Variants in TBL3 observed in about 807,000 individuals in gnomAD.
TBL3 encodes the protein transducin beta like 3, also known as transducin beta-like protein 3.
TBL3 carries 71 observed loss-of-function variants against 102.7 expected under a neutral mutation model. The observed-to-expected ratio is 0.69, with a 90% confidence interval of 0.57 to 0.84. The LOEUF (loss-of-function observed/expected upper bound fraction) is 0.84. TBL3 is among the 40% of genes least tolerant of loss of function. TBL3 has a pLI of 0.00. For synonymous variants in TBL3, 578 were observed against 477.7 expected (o/e 1.21, Z -2.74); for missense variants, 1,188 against 1,098.5 (o/e 1.08, Z -1.15).
At chr16:1,972,267 G>C (rs1443807670) in intron 1 of TBL3, 62 bp downstream of exon 1, 1 of 1,295,822 alleles carries the variant, frequency 7.7e-7, no homozygotes, top group African/African-American at 1.5e-5. Context: ...GCATAGCGGA[G>C]GCGCGCGTGG....
chr16:1,978,981 G>A lies in TBL3; in HGVS notation c.*296G>A, dbSNP rs1259026758. On this transcript the variant is annotated 3_prime_UTR_variant, in exon 22 of 22. Coordinates refer to ENST00000568546, the MANE Select transcript of TBL3 (RefSeq NM_006453.3). ...CCCCCTCCCATCCCTGCTGGCCAGG[G>A]AGATCCGCCCTCCCCGCTCCTCCCC... 2.1e-6 allele frequency: 3 copies of A among 1,413,256 alleles called. No individual in the cohort carries two copies. The highest frequency in any genetic ancestry group is 2.8e-6 in the Non-Finnish European group (3 of 1,059,484). The allele number at this position is 1,413,256 out of a possible 1,614,324, so 87.5% of individuals were successfully genotyped here. A position where few individuals can be genotyped will look rare whatever the true frequency, so the allele number is the denominator to read the frequency against.
intron 13 of TBL3, 66 bp downstream of exon 13, chr16:1,976,380 GCCGCTCA>G: frequency 2.9e-6 from 4 of 1,402,664 alleles, no homozygotes; most frequent in South Asian, 1.2e-5. Flanking sequence ...CAGCAGGGCT[GCCGCTCA>G]GGGAGCTGGG....
chr16:1,980,532 A>C lies in TBL3; in HGVS notation c.*1847A>C, dbSNP rs554813672. ...GCGGCTCGTGCGCCCCACGCGTCCC[A>C]ACAGTGGTGCATCTTAAGGCACCAC... On this transcript the variant is annotated 3_prime_UTR_variant, in exon 22 of 22. Transcript: ENST00000568546. The C allele has an allele frequency of 1.9e-6, 3 of 1,604,048 alleles. No individual in the cohort carries two copies. Among genetic ancestry groups the C allele is most frequent in the East Asian group, 4.5e-5 (2 of 44,804 alleles).
At position 1,979,063 on chromosome 16, in the gene TBL3, T is replaced by G; in HGVS notation, c.*378T>G. 1 of 1,545,010 alleles carries G rather than the reference T, an allele frequency of 6.5e-7. No individual in the cohort carries two copies. Among genetic ancestry groups the G allele is most frequent in the Non-Finnish European group, 8.6e-7 (1 of 1,156,284 alleles). ...CGGGATCCTCGCGCTCACTGCTCCG[T>G]CGTGGGGTGCGGCACAGAGTCCACG... On this transcript the variant is annotated 3_prime_UTR_variant, in exon 22 of 22. Transcript: ENST00000568546.
Position 1,977,156 on chromosome 16 carries a change from G to C in TBL3, c.1543G>C (p.Gly515Arg). 6.2e-7 allele frequency: 1 copy of C among 1,613,060 alleles called. No individual in the cohort carries two copies. Among genetic ancestry groups the C allele is most frequent in the Non-Finnish European group, 8.5e-7 (1 of 1,180,000 alleles). The change falls in exon 15 of 22, where the codon GGT becomes CGT. Residue 515 changes from glycine to arginine, a missense_variant. Transcript: ENST00000568546. ...LWALPQCQLLGVFSGHRRGLW... is the reference protein window; with the variant it reads ...LWALPQCQLLRVFSGHRRGLW... ...GGCCCTGCCACAGTGCCAGCTGCTG[G>C]GTGTCTTCTCAGGCCACCGGCGTGG...
At position 1,978,793 on chromosome 16, in the gene TBL3, C is replaced by A; in HGVS notation, c.*108C>A. The A allele has an allele frequency of 7.1e-7, 1 of 1,414,628 alleles. No homozygotes were observed. Among genetic ancestry groups the A allele is most frequent in the Non-Finnish European group, 9.6e-7 (1 of 1,042,726 alleles). 87.6% of individuals were successfully genotyped at this position (1,414,628 alleles called of 1,614,324 possible). On this transcript the variant is annotated 3_prime_UTR_variant, in exon 22 of 22. Coordinates refer to ENST00000568546, the MANE Select transcript of TBL3 (RefSeq NM_006453.3). ...ACTGCAGTCCAGCCCCCCACCCTGGCCAACACCCTACCTAGCCAGCCAGAA... is the reference window on the plus strand; with the variant it reads ...ACTGCAGTCCAGCCCCCCACCCTGGACAACACCCTACCTAGCCAGCCAGAA...
In TBL3 at chr16:1,972,079, G is replaced by T; in HGVS notation, c.-86G>T. On this transcript the variant is annotated 5_prime_UTR_variant, in exon 1 of 22. Transcript: ENST00000568546. ...CAGCGCGCCGGGAGTGTGGCGTTCT[G>T]TGAAGAGTTCGGTGCTAACCTCCCT... 1 of 1,376,158 alleles carries T rather than the reference G, an allele frequency of 7.3e-7. No individual in the cohort carries two copies. 85.2% of individuals were successfully genotyped at this position (1,376,158 alleles called of 1,614,324 possible). A position where few individuals can be genotyped will look rare whatever the true frequency, so the allele number is the denominator to read the frequency against.
chr16:1,976,767 G>T (rs749106472), intron 13 of TBL3, 47 bp from the exon 14 acceptor site: 2 of 1,605,170 alleles, frequency 1.2e-6, no homozygotes, highest in Non-Finnish European at 1.7e-6. Context: ...GGCCATCAGG[G>T]CTGGCTGGGG....
intron 20 of TBL3, 21 bp from the exon 21 acceptor site, chr16:1,978,292 T>A: frequency 6.2e-7 from 1 of 1,610,580 alleles, no homozygotes; most frequent in Non-Finnish European, 8.5e-7. Context: ...GGCAAGACGA[T>A]GAGGGTCCTG....
chr16:1,981,150 C>T lies in TBL3; in HGVS notation c.*2465C>T. On this transcript the variant is annotated 3_prime_UTR_variant, in exon 22 of 22. Coordinates refer to ENST00000568546, the MANE Select transcript of TBL3 (RefSeq NM_006453.3). ...TGATCTGCACCAGGGCTGCCCCTTG[C>T]ACTGAAACTGGGTATCGGGGGCCTG... 6.2e-7 allele frequency: 1 copy of T among 1,613,618 alleles called. No individual in the cohort carries two copies. Among genetic ancestry groups the T allele is most frequent in the Non-Finnish European group, 8.5e-7 (1 of 1,180,022 alleles).
At position 1,981,171 on chromosome 16, in the gene TBL3, G is replaced by A. The variant is rs763186024; in HGVS notation, c.*2486G>A. On this transcript the variant is annotated 3_prime_UTR_variant, in exon 22 of 22. Coordinates refer to ENST00000568546, the MANE Select transcript of TBL3 (RefSeq NM_006453.3). The stretch of plus-strand genomic sequence containing the variant: ...CTTGCACTGAAACTGGGTATCGGGG[G>A]CCTGCCATGGCTGTGGCTTCCAGGC... The A allele has an allele frequency of 1.4e-5, 22 of 1,612,984 alleles. No individual in the cohort carries two copies. The highest frequency in any genetic ancestry group is 3.3e-4 in the Middle Eastern group (2 of 6,062).
Position 1,975,013 on chromosome 16 carries a change from G to T in TBL3, c.550G>T (p.Asp184Tyr). 6.2e-7 allele frequency: 1 copy of T among 1,607,162 alleles called. No homozygotes were observed. Among genetic ancestry groups the T allele is most frequent in the Non-Finnish European group, 8.5e-7 (1 of 1,179,990 alleles). The part of the protein sequence containing the change: ...DAAIRVWSLQ[D>Y]RSCLAVLTAH... ...CGCCATCCGCGTGTGGTCACTGCAG[G>T]ACCGGTCATGCCTGGCTGTGCTGAC... Residue 184 changes from aspartate to tyrosine, a missense_variant, in exon 7 of 22, where the codon GAC becomes TAC. Asp to Tyr is a radical substitution (Grantham distance 160). Coordinates refer to ENST00000568546, the MANE Select transcript of TBL3 (RefSeq NM_006453.3).
At chr16:1,977,005 C>T in intron 14 of TBL3, 44 bp downstream of exon 14, 1 of 1,612,504 alleles carries the variant, frequency 6.2e-7, no homozygotes, top group South Asian at 1.1e-5. Flanking sequence ...CAAGCCCTTG[C>T]TGGGGGAAGA....
chr16:1,972,476 G>T (rs547361190), intron 1 of TBL3, among the ~76,000 whole-genome samples: 1 of 152,352 alleles, frequency 6.6e-6, no homozygotes, highest in African/African-American at 2.4e-5. Context: ...GGGACCAGAA[G>T]TCCCGATGAG....
In TBL3 at chr16:1,978,521, A is replaced by AC. The variant is rs776033245; in HGVS notation, c.2294-25dup. On this transcript the variant is annotated intron_variant, in intron 21 of 21. Transcript: ENST00000568546. ...GGGGATCCTGGTGGGCGTGTGGACC[A>AC]CCCCCCTGACCTCCCTCTGTCCAAC... is the stretch of plus-strand genomic sequence containing the variant. 2.1e-5 allele frequency: 33 copies of AC among 1,587,490 alleles called. No individual in the cohort carries two copies. In the African/African-American group the frequency reaches 4.0e-4, roughly 19 times the overall value.
At position 1,975,115 on chromosome 16, in the gene TBL3, G is replaced by A; in HGVS notation, c.635+17G>A. 3 of 1,612,524 alleles carry A rather than the reference G, an allele frequency of 1.9e-6. No homozygotes were observed. The highest frequency in any genetic ancestry group is 1.3e-5 in the African/African-American group (1 of 75,032). ...CATGCTCAGGTCAGCAGTGGGCCCT[G>A]GTAGGAGGGGGAGGCTTGGAAAGTG... On this transcript the variant is annotated intron_variant, in intron 7 of 21. Transcript: ENST00000568546.
chr16:1,975,473 G>T lies in TBL3; in HGVS notation c.805+35G>T. The T allele has an allele frequency of 2.5e-6, 4 of 1,608,450 alleles. No individual in the cohort carries two copies. In the South Asian group the frequency reaches 3.3e-5, roughly 13 times the overall value. ...GCCGGGACATGGGCAGGCGGTAGGG[G>T]CTGGGGAAGGCCTGTGGACCTGAGA... On this transcript the variant is annotated intron_variant, in intron 9 of 21. Transcript: ENST00000568546.
At chr16:1,973,600 C>T (rs527417921) in intron 1 of TBL3, among the ~76,000 whole-genome samples, 5 of 152,194 alleles carry the variant, frequency 3.3e-5, no homozygotes, top group South Asian at 2.1e-4. Context: ...TCGTGGGACC[C>T]GGGCTCTGGG....
chr16:1,974,244 C>T lies in TBL3; in HGVS notation c.141C>T (p.Val47=). 4 of 1,604,176 alleles carry T rather than the reference C, an allele frequency of 2.5e-6. No individual in the cohort carries two copies. The highest frequency in any genetic ancestry group is 3.4e-6 in the Non-Finnish European group (4 of 1,174,350). ...QHLFCVCGTR[V]NILEVASGAV... ...TCTTCTGCGTCTGTGGCACCAGAGTCAACATTCTGGAAGTGGCCTCGGGGG... is the reference window on the plus strand; with the variant it reads ...TCTTCTGCGTCTGTGGCACCAGAGTTAACATTCTGGAAGTGGCCTCGGGGG... The change falls in exon 3 of 22, where the codon GTC becomes GTT. Residue 47 remains valine, a synonymous_variant. Coordinates refer to ENST00000568546, the MANE Select transcript of TBL3 (RefSeq NM_006453.3).
Sources: gnomAD v4.1 joint callset for allele counts (sites outside exome capture counted in the v4.1 genomes callset) on GRCh38, gnomAD v4.1.1 for gene constraint, MANE v1.5 for transcripts, NCBI Gene and HGNC (gene_info 2026-07-23, HGNC 2026-07-21) for gene names.